The following UBE2E2 variants were observed in gnomAD, a reference collection of about 807,000 sequenced individuals.
The protein encoded by UBE2E2 is ubiquitin-conjugating enzyme E2 E2.
A neutral mutation model predicts 24.7 loss-of-function variants in UBE2E2; 6 were observed. The observed-to-expected ratio is 0.24, with a 90% CI of 0.13 to 0.48. UBE2E2 has a LOEUF of 0.48. UBE2E2 is among the 20% of genes least tolerant of loss of function. The probability of loss-of-function intolerance (pLI) is 0.99; values close to 1 mark genes in which losing one functional copy is unlikely to be tolerated. For synonymous variants in UBE2E2, 104 were observed against 83.6 expected, an observed-to-expected ratio of 1.24 and a Z score of -1.33; for missense variants, 169 against 245.0, an observed-to-expected ratio of 0.69 and a Z score of 2.07.
At chr3:23,285,320 A>G (rs1008059684) in intron 3 of UBE2E2, among the ~76,000 whole-genome samples, 2 of 152,190 alleles carry the variant, frequency 1.3e-5, no homozygotes, top group Non-Finnish European at 2.9e-5. Flanking sequence ...GCTATCGTGA[A>G]TAGTGCTGCA....
At position 23,280,797 on chromosome 3, in the gene UBE2E2, T is replaced by G. The variant is rs1198944459; in HGVS notation, c.227+63485T>G. Among the ~76,000 whole-genome samples the G allele has an allele frequency of 6.6e-6, 1 of 152,246 alleles. No homozygotes were observed. The highest frequency in any genetic ancestry group is 1.5e-5 in the Non-Finnish European group (1 of 68,048). ...CTGATTCTGCTTTTTTCCATGAATGTTGCCTTCTCTCGTGTTTCACATTCA... is the reference window on the plus strand; with the variant it reads ...CTGATTCTGCTTTTTTCCATGAATGGTGCCTTCTCTCGTGTTTCACATTCA... On this transcript the variant is annotated intron_variant, in intron 3 of 5. Coordinates refer to ENST00000396703, the MANE Select transcript of UBE2E2 (RefSeq NM_152653.4). This position sits in a 1 kb window ranked among gnomAD's most constrained non-coding sequence, Gnocchi z 4.3.
intron 3 of UBE2E2, among the ~76,000 whole-genome samples, chr3:23,262,050 G>T (rs1293616149): frequency 1.3e-5 from 2 of 152,100 alleles, no homozygotes; most frequent in African/African-American, 4.8e-5. Context: ...CTCCATATTG[G>T]TTTCCTTAGT....
intron 3 of UBE2E2, among the ~76,000 whole-genome samples, chr3:23,234,250 G>A (rs966683294): frequency 6.6e-6 from 1 of 151,360 alleles, no homozygotes; most frequent in Non-Finnish European, 1.5e-5. Flanking sequence ...ATCATTTTGA[G>A]AAGTGAGGTG....
At chr3:23,323,412 G>T in intron 3 of UBE2E2, 2 of 268,554 alleles carry the variant, frequency 7.4e-6, no homozygotes, top group Non-Finnish European at 1.5e-5. Context: ...GACCAATTTG[G>T]GTCATTTGGC....
At chr3:23,562,203 G>C (rs1176911920) in intron 5 of UBE2E2, among the ~76,000 whole-genome samples, 2 of 151,960 alleles carry the variant, frequency 1.3e-5, no homozygotes, top group African/African-American at 4.8e-5. Context: ...TTGGCTGTGG[G>C]TTTGTCATAG....
intron 3 of UBE2E2, among the ~76,000 whole-genome samples, chr3:23,386,471 G>A (rs115489838): frequency 4.4e-4 from 67 of 152,252 alleles, no homozygotes; most frequent in African/African-American, 1.6e-3. Flanking sequence ...GAAAGTATCC[G>A]TAAAGGAATA....
At position 23,319,826 on chromosome 3, in the gene UBE2E2, CAACAAAA is replaced by C. The variant is rs1006621704; in HGVS notation, c.227+102531_227+102537del. 1.5e-4 allele frequency among the ~76,000 whole-genome samples: 23 copies of C among 150,666 alleles called. 1 individual carries two copies. The highest frequency in any genetic ancestry group is 3.1e-4 in the Non-Finnish European group (21 of 67,486). ...CAAGGCTCTTTGTCAAAAAAAAGAA[CAACAAAA>C]AACAAAAAACAAAAAAAAACCCAAA... On this transcript the variant is annotated intron_variant, in intron 3 of 5. Transcript: ENST00000396703.
At chr3:23,384,666 C>A (rs528432120) in intron 3 of UBE2E2, among the ~76,000 whole-genome samples, 118 of 152,280 alleles carry the variant, frequency 7.7e-4, no homozygotes, top group Admixed American at 1.3e-3. Context: ...CTTCAGCCTC[C>A]CGAGTAGCTG....
intron 2 of UBE2E2, among the ~76,000 whole-genome samples, chr3:23,209,543 G>T (rs1366259788): frequency 4.6e-5 from 7 of 152,140 alleles, no homozygotes; most frequent in Non-Finnish European, 8.8e-5. Flanking sequence ...ATTAAATGTA[G>T]TGTCTTTCCT....
At chr3:23,553,026 C>A (rs1449802217) in intron 5 of UBE2E2, among the ~76,000 whole-genome samples, 3 of 151,960 alleles carry the variant, frequency 2.0e-5, no homozygotes, top group Non-Finnish European at 4.4e-5. Flanking sequence ...GATTTTTAAT[C>A]TCCTTGATTA....
chr3:23,238,244 G>T (rs1697170560), intron 3 of UBE2E2, among the ~76,000 whole-genome samples: 1 of 152,116 alleles, frequency 6.6e-6, no homozygotes, highest in South Asian at 2.1e-4. Context: ...CTAAAAGCCT[G>T]CTGAGCACTT....
intron 3 of UBE2E2, among the ~76,000 whole-genome samples, chr3:23,489,107 G>C (rs1200531869): frequency 6.6e-6 from 1 of 152,090 alleles, no homozygotes; most frequent in East Asian, 1.9e-4. Context: ...TTAGAGCAGT[G>C]GTCCCCCACC....
At chr3:23,352,372 A>G (rs1240752774) in intron 3 of UBE2E2, among the ~76,000 whole-genome samples, 1 of 152,238 alleles carries the variant, frequency 6.6e-6, no homozygotes, top group Non-Finnish European at 1.5e-5. Flanking sequence ...AAGGCAAGAA[A>G]TAACTAAAAT....
chr3:23,307,459 A>G (rs1699268161), intron 3 of UBE2E2, among the ~76,000 whole-genome samples: 1 of 152,140 alleles, frequency 6.6e-6, no homozygotes, highest in South Asian at 2.1e-4. Context: ...ATAATGATGT[A>G]TTTATGACGT....
chr3:23,246,237 T>TTTTTTTC lies in UBE2E2; in HGVS notation c.227+28925_227+28926insTTTTTTC, dbSNP rs1553634256. Among the ~76,000 whole-genome samples, 76 of 139,418 alleles carry TTTTTTTC rather than the reference T, an allele frequency of 5.5e-4. 6 individuals carry two copies. The highest frequency in any genetic ancestry group is 9.7e-4 in the South Asian group (4 of 4,114). 91.5% of individuals were successfully genotyped at this position (139,418 alleles called of 152,430 possible). On this transcript the variant is annotated intron_variant, in intron 3 of 5. Coordinates refer to ENST00000396703, the MANE Select transcript of UBE2E2 (RefSeq NM_152653.4). ...TGCGTGGCTAATTTTTTTTTTTTTT[T>TTTTTTTC]CGAGATGGAGTCTCGCTCTGTCGCC...
chr3:23,382,294 G>A (rs1345880263), intron 3 of UBE2E2, among the ~76,000 whole-genome samples: 2 of 146,108 alleles, frequency 1.4e-5, no homozygotes, highest in Non-Finnish European at 3.0e-5. Flanking sequence ...CGATTCTCCT[G>A]CCTCAGCCTC....
At chr3:23,450,584 G>A (rs1240761365) in intron 3 of UBE2E2, among the ~76,000 whole-genome samples, 1 of 152,024 alleles carries the variant, frequency 6.6e-6, no homozygotes, top group Admixed American at 6.5e-5. Context: ...TAAGAATTCT[G>A]ATATCAAAAT....
intron 3 of UBE2E2, among the ~76,000 whole-genome samples, chr3:23,305,269 C>T (rs946400128): frequency 3.9e-5 from 6 of 152,352 alleles, no homozygotes; most frequent in African/African-American, 1.4e-4. Flanking sequence ...GCTAATTCAG[C>T]TTGCAGCTTT....
chr3:23,429,555 G>A (rs76220283), intron 3 of UBE2E2, among the ~76,000 whole-genome samples: 5,362 of 152,152 alleles, frequency 0.035, 323 homozygotes, highest in African/African-American at 0.12. Context: ...AATAAAGAAA[G>A]GGCACTTGAC....
Sources: allele counts gnomAD v4.1 joint callset (sites outside exome capture counted in the v4.1 genomes callset), GRCh38; gene constraint gnomAD v4.1.1; non-coding constraint Gnocchi (gnomAD v3.1); transcripts MANE v1.5; gene names NCBI Gene and HGNC (gene_info 2026-07-23, HGNC 2026-07-21).